The following ARSG variants were observed in gnomAD, a reference collection of about 807,000 sequenced individuals.
ARSG encodes ASG.
A neutral mutation model predicts 50.5 loss-of-function variants in ARSG; 37 were observed. That is an observed-to-expected ratio of 0.73 (90% CI 0.56 to 0.96). ARSG has a LOEUF of 0.96. ARSG is among the 50% of genes least tolerant of loss of function. The pLI is 0.00. For missense variants in ARSG, 629 were observed against 675.3 expected (o/e 0.93, Z 0.76); for synonymous variants, 225 against 254.6 (o/e 0.88, Z 1.11).
chr17:68,360,650 GA>G (rs1482502328), intron 6 of ARSG, among the ~76,000 whole-genome samples: 2 of 152,170 alleles, frequency 1.3e-5, no homozygotes, highest in Non-Finnish European at 2.9e-5. Context: ...CTCTGAATGG[GA>G]AAAGGAGCCG....
chr17:68,361,141 A>G (rs963531789), intron 6 of ARSG, among the ~76,000 whole-genome samples: 8 of 152,096 alleles, frequency 5.3e-5, no homozygotes, highest in African/African-American at 1.9e-4. Context: ...CAGACCTTTC[A>G]AACAAATCAA....
chr17:68,362,078 C>A (rs1323270802), intron 6 of ARSG, among the ~76,000 whole-genome samples: 1 of 152,166 alleles, frequency 6.6e-6, no homozygotes, highest in African/African-American at 2.4e-5. Flanking sequence ...TCTTTTGGAA[C>A]TAGGTCCTCA....
chr17:68,422,110 C>A (rs2082824740), downstream of ARSG: 1 of 377,490 alleles, frequency 2.6e-6, no homozygotes, highest in South Asian at 3.3e-5. Context: ...TACTTGTAAA[C>A]ATGGACTGCT....
At chr17:68,441,408 A>C in the ARSG span, among the ~76,000 whole-genome samples, 1 of 152,244 alleles carries the variant, frequency 6.6e-6, no homozygotes, top group African/African-American at 2.4e-5. Flanking sequence ...GCTGAAGACA[A>C]TTAGACGAGT....
downstream of ARSG, chr17:68,426,090 CTCA>C (rs2083153264): frequency 1.2e-6 from 2 of 1,612,688 alleles, no homozygotes; most frequent in Non-Finnish European, 1.7e-6. Context: ...GAAACTCATT[CTCA>C]TCATCAAGAC....
chr17:68,324,457 C>T (rs892514693), intron 2 of ARSG, among the ~76,000 whole-genome samples: 1 of 152,170 alleles, frequency 6.6e-6, no homozygotes, highest in Non-Finnish European at 1.5e-5. Context: ...ATACCTCCTG[C>T]GGACCGGCCC....
chr17:68,393,901 T>C lies in ARSG; in HGVS notation c.1092-1172T>C, dbSNP rs1050521624. Among the ~76,000 whole-genome samples the C allele has an allele frequency of 3.3e-5, 5 of 149,892 alleles. No individual in the cohort carries two copies. In the East Asian group the frequency reaches 6.0e-4, roughly 18 times the overall value. On this transcript the variant is annotated intron_variant, in intron 9 of 11. Transcript: ENST00000621439. ...AAAAAAGGGAAAGAAAAAGAAATTA[T>C]ATGCTGAGGTTGTTAAGATCTATGG...
chr17:68,437,147 A>T, the ARSG span, among the ~76,000 whole-genome samples: 1 of 152,108 alleles, frequency 6.6e-6, no homozygotes, highest in East Asian at 1.9e-4. Flanking sequence ...AACTGAAATA[A>T]ATCTTCCTAT....
chr17:68,403,519 G>T (rs1210515984), intron 11 of ARSG, among the ~76,000 whole-genome samples: 11 of 152,148 alleles, frequency 7.2e-5, no homozygotes, highest in Admixed American at 7.2e-4. Context: ...TCTAATATTT[G>T]CATTCCAGTT....
intron 6 of ARSG, among the ~76,000 whole-genome samples, chr17:68,363,453 C>T (rs2079389718): frequency 8.2e-6 from 1 of 121,348 alleles, no homozygotes; most frequent in Non-Finnish European, 1.9e-5. Flanking sequence ...AGCCCTAGTA[C>T]GTTTCTTTTG....
intron 3 of ARSG, among the ~76,000 whole-genome samples, chr17:68,345,031 A>G (rs915609993): frequency 2.0e-5 from 3 of 152,150 alleles, no homozygotes; most frequent in African/African-American, 7.2e-5. Context: ...GAGACCAATT[A>G]AGGTCACACA....
chr17:68,368,648 T>C lies in ARSG; in HGVS notation c.805T>C (p.Tyr269His). 6.2e-7 allele frequency: 1 copy of C among 1,614,220 alleles called. No homozygotes were observed. The highest frequency in any genetic ancestry group is 1.1e-5 in the South Asian group (1 of 91,086). Residue 269 changes from tyrosine to histidine, a missense_variant, in exon 7 of 12, where the codon TAT (tyrosine) becomes CAT (histidine). Transcript: ENST00000621439. ...LPAAPRGRSLYGAGLWEMDSL... is the reference protein window; with the variant it reads ...LPAAPRGRSLHGAGLWEMDSL... Reference sequence around the variant, plus strand: ...AGCAGCGCCACGGGGCAGAAGCCTGTATGGTGCAGGGCTCTGGGAGATGGA... The same window carrying C: ...AGCAGCGCCACGGGGCAGAAGCCTGCATGGTGCAGGGCTCTGGGAGATGGA...
intron 5 of ARSG, among the ~76,000 whole-genome samples, chr17:68,352,167 GA>G (rs1568507251): frequency 2.1e-5 from 3 of 144,654 alleles, no homozygotes; most frequent in South Asian, 2.3e-4. Context: ...GAGAGACAGA[GA>G]GAGAGAGAGA....
At chr17:68,292,140 G>C (rs2076028012) in intron 1 of ARSG, among the ~76,000 whole-genome samples, 1 of 152,054 alleles carries the variant, frequency 6.6e-6, no homozygotes, top group Non-Finnish European at 1.5e-5. Context: ...CCCCCACTTT[G>C]CTGCACCGGC....
chr17:68,422,384 G>C (rs528864761), downstream of ARSG: 1 of 144,108 alleles, frequency 6.9e-6, no homozygotes, highest in South Asian at 2.2e-4. Context: ...AGCCGAGATC[G>C]CACCACTGCA....
Position 68,271,667 on chromosome 17 carries a change from G to T in ARSG, c.-552+12241G>T, listed in dbSNP as rs782663213. 14 of 1,603,024 alleles carry T rather than the reference G, an allele frequency of 8.7e-6. No individual in the cohort carries two copies. The South Asian group carries it at 1.5e-4, about 18-fold the overall frequency. On this transcript the variant is annotated intron_variant, in intron 1 of 11. Coordinates refer to the ARSG transcript ENST00000448504. The surrounding 1 kb of genome is among the most constrained non-coding windows in gnomAD (Gnocchi z 5.3). Reference sequence around the variant, plus strand: ...AGAGCCATGATTGCTTGAATAGGCAGGAGTGAAGAAGAAATAATATAAGGT... The same window carrying T: ...AGAGCCATGATTGCTTGAATAGGCATGAGTGAAGAAGAAATAATATAAGGT...
chr17:68,313,288 A>C (rs968482341), intron 2 of ARSG, among the ~76,000 whole-genome samples: 22 of 152,206 alleles, frequency 1.4e-4, no homozygotes, highest in Non-Finnish European at 3.1e-4. Context: ...AAACAAAAAA[A>C]CATTACTTTG....
At chr17:68,296,670 C>T (rs1262001944) in intron 1 of ARSG, among the ~76,000 whole-genome samples, 2 of 152,128 alleles carry the variant, frequency 1.3e-5, no homozygotes, top group African/African-American at 2.4e-5. Flanking sequence ...ATCGTTCATC[C>T]GTCCATCCAC....
chr17:68,283,940 A>G (rs1451654714), intron 1 of ARSG, among the ~76,000 whole-genome samples: 7 of 151,500 alleles, frequency 4.6e-5, no homozygotes, highest in Non-Finnish European at 1.0e-4. Context: ...TCTACTAAAA[A>G]TACAAAAATT....
Sources: gnomAD v4.1 joint callset for allele counts (sites outside exome capture counted in the v4.1 genomes callset) on GRCh38, gnomAD v4.1.1 for gene constraint, Gnocchi (gnomAD v3.1) non-coding constraint, MANE v1.5 for transcripts, NCBI Gene and HGNC (gene_info 2026-07-23, HGNC 2026-07-21) for gene names.